Variants in MAML3 observed in about 807,000 individuals in gnomAD.
MAML3 encodes mastermind-like protein 3.
Under a neutral mutation model 101.9 loss-of-function variants are expected in MAML3, and 27 were observed. The ratio of observed to expected loss-of-function variants is 0.27; its 90% confidence interval spans 0.20 to 0.37. The LOEUF (loss-of-function observed/expected upper bound fraction) is 0.37, where lower values mean the gene tolerates loss of function less well. Among genes scored for constraint, MAML3 ranks in the 10% least tolerant of loss-of-function variants. MAML3 has a pLI of 1.00. For synonymous variants in MAML3, 501 were observed against 555.9 expected (o/e 0.90, Z 1.39); for missense variants, 1,316 against 1,444.9 (o/e 0.91, Z 1.45).
At position 139,768,984 on chromosome 4, in the gene MAML3, C is replaced by T. The variant is rs1729921283; in HGVS notation, c.2080-38317G>A. 2.0e-5 allele frequency among the ~76,000 whole-genome samples: 3 copies of T among 152,234 alleles called. No homozygotes were observed. In the South Asian group the frequency reaches 6.2e-4, roughly 32 times the overall value. On this transcript the variant is annotated intron_variant, in intron 2 of 4. Transcript: ENST00000509479. Reference sequence around the variant, plus strand: ...CTCTACGGGAATGGGGAAATGGCAGCACCAGGGGCTGACTGAGCCCCAGTC... The same window carrying T: ...CTCTACGGGAATGGGGAAATGGCAGTACCAGGGGCTGACTGAGCCCCAGTC...
intron 1 of MAML3, among the ~76,000 whole-genome samples, chr4:140,078,337 T>A (rs1373748187): frequency 6.6e-6 from 1 of 152,200 alleles, no homozygotes; most frequent in African/African-American, 2.4e-5. Flanking sequence ...TTGCTTTACT[T>A]TAGAAATGGG....
intron 2 of MAML3, among the ~76,000 whole-genome samples, chr4:139,817,175 G>A (rs539403317): frequency 6.6e-6 from 1 of 152,266 alleles, no homozygotes; most frequent in African/African-American, 2.4e-5. Flanking sequence ...TTCCTCTTCT[G>A]TTGTTCAAAT....
chr4:139,828,519 G>A (rs1367395573), intron 2 of MAML3, among the ~76,000 whole-genome samples: 1 of 152,174 alleles, frequency 6.6e-6, no homozygotes, highest in Non-Finnish European at 1.5e-5. Context: ...GCATTGTCTG[G>A]ATAGTGGAAC....
chr4:140,070,734 A>G (rs1031205560), intron 1 of MAML3, among the ~76,000 whole-genome samples: 1 of 152,164 alleles, frequency 6.6e-6, no homozygotes, highest in Non-Finnish European at 1.5e-5. Flanking sequence ...AGAAGGTAGG[A>G]CTCCTACCTA....
intron 1 of MAML3, among the ~76,000 whole-genome samples, chr4:140,036,644 T>C (rs1180925094): frequency 2.6e-5 from 4 of 152,192 alleles, no homozygotes; most frequent in African/African-American, 9.7e-5. Flanking sequence ...CTGCCTATTT[T>C]CTACCTCAAC....
chr4:140,006,092 G>T (rs1479439521), intron 1 of MAML3, among the ~76,000 whole-genome samples: 1 of 152,170 alleles, frequency 6.6e-6, no homozygotes, highest in Non-Finnish European at 1.5e-5. Context: ...GAGATATCGT[G>T]TGCCATGCAA....
At chr4:140,129,912 C>A (rs1002856557) in intron 1 of MAML3, among the ~76,000 whole-genome samples, 7 of 151,506 alleles carry the variant, frequency 4.6e-5, no homozygotes, top group Admixed American at 4.6e-4. Flanking sequence ...TTTCAGTGAG[C>A]CAAGATTGTG....
intron 1 of MAML3, among the ~76,000 whole-genome samples, chr4:140,026,001 T>C (rs923622970): frequency 2.0e-5 from 3 of 152,226 alleles, no homozygotes; most frequent in Admixed American, 1.3e-4. Context: ...TCCTTGTCTT[T>C]TACTCATTGG....
In MAML3 at chr4:139,725,806, C is replaced by T. The variant is rs749534320; in HGVS notation, c.2361G>A (p.Gln787=). The T allele has an allele frequency of 1.2e-6, 2 of 1,613,966 alleles. No individual in the cohort carries two copies. The highest frequency in any genetic ancestry group is 1.7e-6 in the Non-Finnish European group (2 of 1,179,858). Residue 787 remains glutamine (Q), a synonymous_variant, in exon 4 of 5, where the codon CAG becomes CAA. Coordinates refer to ENST00000509479, the MANE Select transcript of MAML3 (RefSeq NM_018717.5). ...ATGGATTCCGCTGTGGCTGGAGGTG[C>T]TGCCGGGGTAGATGTGATTGCTGCA... ...QQLQQSHLPR[Q]HLQPQRNPYP... is the part of the protein sequence containing the mutation.
At chr4:139,941,130 T>C (rs1024497357) in intron 1 of MAML3, among the ~76,000 whole-genome samples, 2 of 152,230 alleles carry the variant, frequency 1.3e-5, no homozygotes, top group South Asian at 4.1e-4. Context: ...AAAAACATGC[T>C]GCTTTTTAAA....
chr4:139,890,356 G>T lies in MAML3; in HGVS notation c.1080C>A (p.Asp360Glu), dbSNP rs1295077472. The change falls in exon 2 of 5, where the codon GAC becomes GAA. Residue 360 changes from aspartate (D) to glutamate (E), a missense_variant. By Grantham distance (45) the Asp-to-Glu change is conservative. Coordinates refer to ENST00000509479, the MANE Select transcript of MAML3 (RefSeq NM_018717.5). This position sits in a 1 kb window ranked among gnomAD's most constrained non-coding sequence, Gnocchi z 4.1. Reference sequence around the variant, plus strand: ...CATGTGCGAAGGGAGAGTGAGAGGGGTCGCTCTTCACGCTCGCACTCTCCT... The same window carrying T: ...CATGTGCGAAGGGAGAGTGAGAGGGTTCGCTCTTCACGCTCGCACTCTCCT... ...LSQESASVKS[D>E]PSHSPFAHVS... is the part of the protein sequence containing the mutation. 8 of 1,603,646 alleles carry T rather than the reference G, an allele frequency of 5.0e-6. No homozygotes were observed. In the Admixed American group the frequency reaches 6.7e-5, roughly 13 times the overall value.
At chr4:139,907,003 A>T (rs1293238124) in intron 1 of MAML3, among the ~76,000 whole-genome samples, 3 of 152,238 alleles carry the variant, frequency 2.0e-5, no homozygotes. Flanking sequence ...ACACATCAAA[A>T]AGAGCTGAAC....
intron 1 of MAML3, among the ~76,000 whole-genome samples, chr4:140,030,082 C>T (rs950060169): frequency 1.9e-4 from 29 of 152,134 alleles, no homozygotes; most frequent in African/African-American, 6.3e-4. Flanking sequence ...ACACATTTCT[C>T]TTTGCCCATC....
At chr4:139,773,697 G>C (rs1357764589) in intron 2 of MAML3, among the ~76,000 whole-genome samples, 1 of 152,170 alleles carries the variant, frequency 6.6e-6, no homozygotes, top group Non-Finnish European at 1.5e-5. Context: ...TAACAATTCA[G>C]ATAAACAGGA....
intron 1 of MAML3, among the ~76,000 whole-genome samples, chr4:140,096,932 A>C (rs911202703): frequency 6.6e-6 from 1 of 152,110 alleles, no homozygotes; most frequent in South Asian, 2.1e-4. Context: ...TTACTGAAGT[A>C]GATTGCATTT....
At chr4:140,129,670 G>A (rs1397127737) in intron 1 of MAML3, among the ~76,000 whole-genome samples, 1 of 152,044 alleles carries the variant, frequency 6.6e-6, no homozygotes, top group Non-Finnish European at 1.5e-5. Flanking sequence ...TGGTGATTAA[G>A]AATCAAAACA....
intron 1 of MAML3, among the ~76,000 whole-genome samples, chr4:139,969,745 C>G (rs1734201862): frequency 6.6e-6 from 1 of 152,098 alleles, no homozygotes; most frequent in Non-Finnish European, 1.5e-5. Flanking sequence ...ATGAGAAAAG[C>G]ATGCTCTACC....
chr4:139,816,238 G>A (rs1038601176), intron 2 of MAML3, among the ~76,000 whole-genome samples: 9 of 152,290 alleles, frequency 5.9e-5, no homozygotes, highest in Middle Eastern at 3.4e-3. Flanking sequence ...GGATGCAGAC[G>A]GTCACATCAG....
At chr4:139,894,926 T>C (rs1304247058) in intron 1 of MAML3, among the ~76,000 whole-genome samples, 1 of 152,232 alleles carries the variant, frequency 6.6e-6, no homozygotes, top group Non-Finnish European at 1.5e-5. Flanking sequence ...TGGCACCTCC[T>C]GGAGTGATGT....
Sources: allele counts gnomAD v4.1 joint callset (sites outside exome capture counted in the v4.1 genomes callset), GRCh38; gene constraint gnomAD v4.1.1; non-coding constraint Gnocchi (gnomAD v3.1); transcripts MANE v1.5; gene names NCBI Gene and HGNC (gene_info 2026-07-23, HGNC 2026-07-21).